The following MAP3K12 variants were observed in gnomAD, a reference collection of about 807,000 sequenced individuals.
MAP3K12 encodes the protein MAPK-upstream kinase.
In MAP3K12, 14 loss-of-function variants were observed where a neutral mutation model predicts 87.5. That is an observed-to-expected ratio of 0.16 (90% confidence interval 0.11 to 0.25). MAP3K12 has a LOEUF of 0.25. MAP3K12 is among the 10% of genes least tolerant of loss of function. MAP3K12 has a pLI of 1.00. For missense variants in MAP3K12, 802 were observed against 1,140.4 expected (o/e 0.70, Z 4.27); for synonymous variants, 469 against 452.5 (o/e 1.04, Z -0.46).
chr12:53,485,108 G>A lies in MAP3K12; in HGVS notation c.1087C>T (p.Pro363Ser), dbSNP rs761638325. ...CCATCTGGGCAACTGGAGGGCACGG[G>A]CAGATGGAGACTGTTGCTTCCCACA... ...WGVGSNSLHLPVPSSCPDGFK... is the reference protein window; with the variant it reads ...WGVGSNSLHLSVPSSCPDGFK... Residue 363 changes from proline (P) to serine (S), a missense_variant, in exon 6 of 14, where the codon CCC (proline) becomes TCC (serine). By Grantham distance (74) the Pro-to-Ser change is moderately conservative. This residue lies in a region of MAP3K12 where 99 missense variants were observed against 193.4 expected (regional missense o/e 0.51). Transcript: ENST00000547488. The A allele has an allele frequency of 6.2e-7, 1 of 1,614,184 alleles. No individual in the cohort carries two copies. Among genetic ancestry groups the A allele is most frequent in the Non-Finnish European group, 8.5e-7 (1 of 1,180,034 alleles).
At chr12:53,485,032 T>TA (rs1565886236) in intron 6 of MAP3K12, 24 bp downstream of exon 6, 1 of 1,613,980 alleles carries the variant, frequency 6.2e-7, no homozygotes, top group Middle Eastern at 1.7e-4. Context: ...CCAGGCCCAG[T>TA]ATCCCAGCCC....
chr12:53,493,071 G>A (rs1048289315), intron 1 of MAP3K12: 1 of 152,414 alleles, frequency 6.6e-6, no homozygotes, highest in Non-Finnish European at 1.5e-5. Context: ...GCGGCGGAAG[G>A]GGGTGGTCCG....
intron 4 of MAP3K12, chr12:53,485,789 C>T: frequency 1.9e-6 from 1 of 520,374 alleles, no homozygotes; most frequent in Non-Finnish European, 3.4e-6. Flanking sequence ...ATCTCTTGAC[C>T]TTGTGATCCA....
Position 53,487,494 on chromosome 12 carries a change from AT to A in MAP3K12, c.-37-67del, listed in dbSNP as rs147434067. The A allele has an allele frequency of 3.0e-4, 443 of 1,479,468 alleles. 2 individuals are homozygous for A. In the African/African-American group the frequency reaches 5.6e-3, roughly 19 times the overall value. 91.6% of individuals were successfully genotyped at this position (1,479,468 alleles called of 1,614,324 possible). A position where few individuals can be genotyped will look rare whatever the true frequency, so the allele number is the denominator to read the frequency against. On this transcript the variant is annotated intron_variant, in intron 1 of 13. Coordinates refer to ENST00000547488, the MANE Select transcript of MAP3K12 (RefSeq NM_001193511.2). ...CCAGGACTGCCTGCTCAGGACACTT[AT>A]CCCAGAGGCACAGACTGGGGTGCTG...
At chr12:53,484,974 C>T in intron 6 of MAP3K12, 82 bp downstream of exon 6, 6 of 1,517,180 alleles carry the variant, frequency 4.0e-6, no homozygotes, top group South Asian at 2.3e-5. Flanking sequence ...TGTACCCCTG[C>T]CATTTATTGG....
chr12:53,492,680 C>T (rs1943445378), intron 1 of MAP3K12, among the ~76,000 whole-genome samples: 1 of 152,104 alleles, frequency 6.6e-6, no homozygotes, highest in African/African-American at 2.4e-5. Context: ...CAAACACAGA[C>T]CAAGCAAAGT....
At chr12:53,483,526 G>A (rs1286945087) in intron 9 of MAP3K12, 40 bp from the exon 10 acceptor site, 1 of 1,613,970 alleles carries the variant, frequency 6.2e-7, no homozygotes, top group Non-Finnish European at 8.5e-7. Context: ...CAAATGACCA[G>A]GAAGGGGCAC....
chr12:53,494,823 TGA>T (rs1478307029), intron 1 of MAP3K12, among the ~76,000 whole-genome samples: 2 of 152,144 alleles, frequency 1.3e-5, no homozygotes, highest in Non-Finnish European at 2.9e-5. Flanking sequence ...TTTGAAACCC[TGA>T]GAGGATAAAG....
At position 53,480,059 on chromosome 12, in the gene MAP3K12, C is replaced by T. The variant is rs1335410613; in HGVS notation, c.*1123G>A. The T allele has an allele frequency of 8.6e-5, 13 of 151,618 alleles. No individual in the cohort carries two copies. The highest frequency in any genetic ancestry group is 7.9e-4 in the Admixed American group (12 of 15,192). The allele number at this position is 151,618 out of a possible 1,614,324, so 9.4% of individuals were successfully genotyped here. On this transcript the variant is annotated 3_prime_UTR_variant, in exon 14 of 14. Transcript: ENST00000547488. ...CCAAAAGATTGAGGATTAGACTTTC[C>T]GAGGACTTACCTGTCCTAGGGGAGT... is the stretch of plus-strand genomic sequence containing the variant.
rs371403043 is a variant in MAP3K12 at position 53,487,245 on chromosome 12, A to C, written c.147T>G (p.Leu49=). The part of the protein sequence containing the change: ...EKDLTPTQCV[L]RDVVPLGGQG... ...GCCCACCAAGGGGTACCACATCTCG[A>C]AGTACACACTGGGTAGGCGTCAGGT... The change falls in exon 2 of 14, where the codon CTT becomes CTG. Residue 49 remains leucine, a synonymous_variant. Transcript: ENST00000547488. 6 of 1,613,126 alleles carry C rather than the reference A, an allele frequency of 3.7e-6. No homozygotes were observed. Among genetic ancestry groups the C allele is most frequent in the Non-Finnish European group, 5.1e-6 (6 of 1,179,782 alleles).
At chr12:53,501,314 G>T, upstream of MAP3K12, 2 of 1,442,796 alleles carry the variant, frequency 1.4e-6, no homozygotes, top group Admixed American at 2.2e-5. Flanking sequence ...TACCGGCCGC[G>T]ACTCCGGGCT....
intron 4 of MAP3K12, 141 bp from the exon 5 acceptor site, chr12:53,485,616 C>T (rs923717375): frequency 2.2e-6 from 2 of 923,538 alleles, no homozygotes; most frequent in Non-Finnish European, 3.3e-6. Flanking sequence ...AGTGCAGTGG[C>T]TCAATCTCGG....
At chr12:53,487,662 A>G (rs1013364183) in intron 1 of MAP3K12, 11 of 457,614 alleles carry the variant, frequency 2.4e-5, no homozygotes, top group Non-Finnish European at 3.5e-5. Context: ...ATAGGTAGAC[A>G]GGTATCGTAC....
At chr12:53,489,762 T>G (rs1943350585) in intron 1 of MAP3K12, among the ~76,000 whole-genome samples, 1 of 152,194 alleles carries the variant, frequency 6.6e-6, no homozygotes, top group African/African-American at 2.4e-5. Flanking sequence ...GTTCTTGTAA[T>G]AATTACCAGG....
Position 53,484,351 on chromosome 12 carries a change from C to T in MAP3K12, c.1154G>A (p.Arg385Gln), listed in dbSNP as rs1462741226. The T allele has an allele frequency of 6.2e-7, 1 of 1,614,024 alleles. No homozygotes were observed. The highest frequency in any genetic ancestry group is 1.3e-5 in the African/African-American group (1 of 74,988). Residue 385 changes from arginine to glutamine, a missense_variant, in exon 7 of 14, where the codon CGA (arginine) becomes CAA (glutamine). Coordinates refer to ENST00000547488, the MANE Select transcript of MAP3K12 (RefSeq NM_001193511.2). Reference protein sequence around the residue: ...LLRQCWNSKPRNRPSFRQILL... With the variant: ...LLRQCWNSKPQNRPSFRQILL... The stretch of plus-strand genomic sequence containing the variant: ...GATCTGTCGGAATGATGGGCGATTT[C>T]GTGGTTTGCTATTCCTGAAAGGAAT...
At position 53,486,338 on chromosome 12, in the gene MAP3K12, T is replaced by G; in HGVS notation, c.630-91A>C. On this transcript the variant is annotated intron_variant, in intron 3 of 13. Transcript: ENST00000547488. The surrounding 1 kb of genome is among the most constrained non-coding windows in gnomAD (Gnocchi z 4.9). Reference sequence around the variant, plus strand: ...CCCCCATTCCCACCCATTCCACCTATGGATCTCCTCTGGGGAAGGATGGGG... The same window carrying G: ...CCCCCATTCCCACCCATTCCACCTAGGGATCTCCTCTGGGGAAGGATGGGG... The G allele has an allele frequency of 6.4e-7, 1 of 1,556,902 alleles. No individual in the cohort carries two copies. Among genetic ancestry groups the G allele is most frequent in the South Asian group, 1.2e-5 (1 of 82,122 alleles).
At position 53,482,790 on chromosome 12, in the gene MAP3K12, G is replaced by A; in HGVS notation, c.2013C>T (p.Ala671=). 1 of 1,612,262 alleles carries A rather than the reference G, an allele frequency of 6.2e-7. No individual in the cohort carries two copies. The highest frequency in any genetic ancestry group is 2.2e-5 in the East Asian group (1 of 44,858). ...GAGDPGSPPP[A]RGDTPPSEGS... ...CCTCACTTGGTGGGGTGTCACCCCG[G>A]GCCGGAGGTGGTGAGCCAGGATCCC... Residue 671 remains alanine, a synonymous_variant, in exon 11 of 14, where the codon GCC becomes GCT. Coordinates refer to ENST00000547488, the MANE Select transcript of MAP3K12 (RefSeq NM_001193511.2).
chr12:53,484,710 T>C, intron 6 of MAP3K12: 1 of 450,038 alleles, frequency 2.2e-6, no homozygotes, highest in Non-Finnish European at 4.0e-6. Flanking sequence ...AATGAGGGTC[T>C]GGGGTCCTTT....
intron 1 of MAP3K12, among the ~76,000 whole-genome samples, chr12:53,492,787 C>T (rs1041454404): frequency 1.2e-4 from 18 of 150,054 alleles, no homozygotes; most frequent in African/African-American, 4.1e-4. Flanking sequence ...TCCGCCGCAA[C>T]CCCGGGCTTC....
Sources: gnomAD v4.1 joint callset for allele counts (sites outside exome capture counted in the v4.1 genomes callset) on GRCh38, gnomAD v4.1.1 for gene constraint, gnomAD v4.1.1 regional missense constraint, Gnocchi (gnomAD v3.1) non-coding constraint, MANE v1.5 for transcripts, NCBI Gene and HGNC (gene_info 2026-07-23, HGNC 2026-07-21) for gene names.